Variants in SCN9A observed in about 807,000 individuals in gnomAD.
The protein encoded by SCN9A is sodium channel protein type 9 subunit alpha.
Under a neutral mutation model 187.0 loss-of-function variants are expected in SCN9A, and 131 were observed. The ratio of observed to expected loss-of-function variants is 0.70; its 90% CI spans 0.61 to 0.81. The LOEUF (loss-of-function observed/expected upper bound fraction) is 0.81, where lower values mean the gene tolerates loss of function less well. SCN9A is among the 30% of genes least tolerant of loss of function. The probability of loss-of-function intolerance (pLI) is 0.00; values close to 1 mark genes in which losing one functional copy is unlikely to be tolerated. For missense variants in SCN9A, 2,252 were observed against 2,396.6 expected, an observed-to-expected ratio of 0.94 and a Z score of 1.26; for synonymous variants, 809 against 808.6, an observed-to-expected ratio of 1.00 and a Z score of -0.01.
At chr2:166,218,768 C>G (rs930405704) in intron 24 of SCN9A, among the ~76,000 whole-genome samples, 1 of 152,104 alleles carries the variant, frequency 6.6e-6, no homozygotes, top group Admixed American at 6.5e-5. Flanking sequence ...AAACTATCAA[C>G]AGAGTAAGCA....
intron 17 of SCN9A, among the ~76,000 whole-genome samples, chr2:166,258,921 G>A (rs1696391014): frequency 6.6e-6 from 1 of 151,614 alleles, no homozygotes; most frequent in African/African-American, 2.4e-5. Context: ...TAGCTTCAAT[G>A]GCTACTGTTA....
chr2:166,359,375 T>C (rs1475711364), intron 1 of SCN9A, among the ~76,000 whole-genome samples: 1 of 152,148 alleles, frequency 6.6e-6, no homozygotes, highest in Admixed American at 6.5e-5. Context: ...AAACAAAGTA[T>C]GCCAAGTATA....
intron 1 of SCN9A, among the ~76,000 whole-genome samples, chr2:166,312,674 T>A (rs1698997839): frequency 6.6e-6 from 1 of 152,180 alleles, no homozygotes; most frequent in Non-Finnish European, 1.5e-5. Context: ...ACTTAAAAGT[T>A]GAAATTACTC....
chr2:166,198,913 A>G lies in SCN9A; in HGVS notation c.5726T>C (p.Val1909Ala). Residue 1909 changes from valine (V) to alanine (A), a missense_variant, in exon 27 of 27, where the codon GTC becomes GCC. This residue lies in a region of SCN9A where 345 missense variants were observed against 344.6 expected (regional missense o/e 1.00). Coordinates refer to ENST00000642356, the MANE Select transcript of SCN9A (RefSeq NM_001365536.1). ...TATGTATATACTTGATATATTTTTGACATTTTGCCTTAAGCGGTAACGTCT... is the reference window on the plus strand; with the variant it reads ...TATGTATATACTTGATATATTTTTGGCATTTTGCCTTAAGCGGTAACGTCT... The part of the protein sequence containing the change: ...AYRRYRLRQN[V>A]KNISSIYIKD... The G allele has an allele frequency of 1.2e-6, 2 of 1,613,810 alleles. 1 individual carries two copies. Among genetic ancestry groups the G allele is most frequent in the Non-Finnish European group, 1.7e-6 (2 of 1,179,780 alleles).
intron 13 of SCN9A, among the ~76,000 whole-genome samples, 176 bp downstream of exon 13, chr2:166,281,503 T>G (rs1574859074): frequency 6.6e-6 from 1 of 152,290 alleles, no homozygotes; most frequent in Non-Finnish European, 1.5e-5. Context: ...ATTTTATCCA[T>G]TTTTAAGCAC....
intron 2 of SCN9A, among the ~76,000 whole-genome samples, chr2:166,308,925 C>CAAAAAAAAA (rs397986566): frequency 2.6e-5 from 2 of 78,150 alleles, no homozygotes; most frequent in Non-Finnish European, 4.9e-5. Flanking sequence ...GACTCTGTCT[C>CAAAAAAAAA]AAAAAAAAAA....
chr2:166,306,647 T>C, intron 3 of SCN9A, 48 bp from the exon 4 acceptor site: 1 of 1,267,412 alleles, frequency 7.9e-7, no homozygotes, highest in Non-Finnish European at 1.1e-6. Flanking sequence ...GAATTTGAAA[T>C]ATTTGAGGAT....
chr2:166,286,541 G>C lies in SCN9A; in HGVS notation c.1397C>G (p.Ser466Cys), dbSNP rs1378631648. Reference sequence around the variant, plus strand: ...TTTAGCACTTTTAGAGCTCAGTTTGGATGTTTCAGAAGAACTCTCTGAGAG... The same window carrying C: ...TTTAGCACTTTTAGAGCTCAGTTTGCATGTTTCAGAAGAACTCTCTGAGAG... ...MGLSESSSET[S>C]KLSSKSAKER... The change falls in exon 11 of 27, where the codon TCC becomes TGC. Residue 466 changes from serine to cysteine, a missense_variant. Ser to Cys is a moderately radical substitution (Grantham distance 112). Transcript: ENST00000642356. 1 of 1,610,118 alleles carries C rather than the reference G, an allele frequency of 6.2e-7. No homozygotes were observed. Among genetic ancestry groups the C allele is most frequent in the Non-Finnish European group, 8.5e-7 (1 of 1,178,728 alleles).
intron 1 of SCN9A, among the ~76,000 whole-genome samples, chr2:166,326,713 A>T (rs1699372508): frequency 6.6e-6 from 1 of 152,206 alleles, no homozygotes; most frequent in Non-Finnish European, 1.5e-5. Context: ...TTATGAGAGC[A>T]TATTAGACTA....
chr2:166,318,000 A>G (rs1332070634), intron 1 of SCN9A, among the ~76,000 whole-genome samples: 7 of 152,192 alleles, frequency 4.6e-5, no homozygotes, highest in Non-Finnish European at 1.0e-4. Context: ...TATGTGATGT[A>G]GATCAGAAAA....
intron 26 of SCN9A, among the ~76,000 whole-genome samples, chr2:166,200,785 G>C (rs78559117): frequency 4.6e-5 from 7 of 152,036 alleles, no homozygotes; most frequent in Non-Finnish European, 7.4e-5. Flanking sequence ...ACAGGCATGC[G>C]CCACCACACC....
At position 166,266,303 on chromosome 2, in the gene SCN9A, C is replaced by A. The variant is rs541228787; in HGVS notation, c.3351+6096G>T. Among the ~76,000 whole-genome samples the A allele has an allele frequency of 2.0e-5, 3 of 152,052 alleles. No homozygotes were observed. In the South Asian group the frequency reaches 6.2e-4, roughly 32 times the overall value. ...ATGTGGCTATTCAGTTTGCCCAGAA[C>A]CATTTACTAAAGAGGCTGTCCTTTC... is the stretch of plus-strand genomic sequence containing the variant. On this transcript the variant is annotated intron_variant, in intron 17 of 26. Coordinates refer to ENST00000642356, the MANE Select transcript of SCN9A (RefSeq NM_001365536.1).
At chr2:166,215,501 A>T (rs1220648793) in intron 24 of SCN9A, among the ~76,000 whole-genome samples, 1 of 152,076 alleles carries the variant, frequency 6.6e-6, no homozygotes, top group Non-Finnish European at 1.5e-5. Flanking sequence ...TGAAAAGATA[A>T]AATCGAAAAA....
At chr2:166,352,058 A>G (rs1700045269) in intron 1 of SCN9A, among the ~76,000 whole-genome samples, 1 of 152,192 alleles carries the variant, frequency 6.6e-6, no homozygotes, top group Admixed American at 6.5e-5. Context: ...GTACAATGTT[A>G]AAATAGTACT....
Position 166,259,835 on chromosome 2 carries a change from C to T in SCN9A, c.3352-7950G>A, listed in dbSNP as rs561489547. The stretch of plus-strand genomic sequence containing the variant: ...ACAAATATTTCATTGTTTTTAGGCA[C>T]GTAAACAAATCCAATGAAGATGGAA... On this transcript the variant is annotated intron_variant, in intron 17 of 26. Coordinates refer to ENST00000642356, the MANE Select transcript of SCN9A (RefSeq NM_001365536.1). 8.6e-5 allele frequency among the ~76,000 whole-genome samples: 13 copies of T among 151,300 alleles called. No homozygotes were observed. The South Asian group carries it at 2.1e-3, about 24-fold the overall frequency.
rs892576229 is a variant in SCN9A, at chr2:166,222,164, G to A, written c.4398+4403C>T. The stretch of plus-strand genomic sequence containing the variant: ...TGGGAAAAAAAGGAAGCATTCAAGA[G>A]GGTGAAAAAGCAACCTATAGAATGG... On this transcript the variant is annotated intron_variant, in intron 24 of 26. Transcript: ENST00000642356. Among the ~76,000 whole-genome samples, 11 of 152,246 alleles carry A rather than the reference G, an allele frequency of 7.2e-5. No homozygotes were observed. In the South Asian group the frequency reaches 1.2e-3, roughly 17 times the overall value.
chr2:166,229,458 T>C (rs942104399), intron 21 of SCN9A, among the ~76,000 whole-genome samples: 2 of 152,090 alleles, frequency 1.3e-5, no homozygotes, highest in Admixed American at 6.5e-5. Context: ...AGAGAAACTA[T>C]TGGTGTATAT....
chr2:166,235,347 C>T (rs866121847), intron 20 of SCN9A, among the ~76,000 whole-genome samples: 7 of 152,122 alleles, frequency 4.6e-5, no homozygotes, highest in South Asian at 2.1e-4. Context: ...TAAACACACA[C>T]GTATATATAC....
chr2:166,204,357 T>A lies in SCN9A; in HGVS notation c.4503+3A>T. On this transcript the variant is annotated splice_donor_region_variant and intron_variant, in intron 25 of 26. Coordinates refer to ENST00000642356, the MANE Select transcript of SCN9A (RefSeq NM_001365536.1). ...TATGCTAAAGATATATATATTTTTT[T>A]ACCCCTGGTCGAGGAATTGGCTTTT... 6.2e-7 allele frequency: 1 copy of A among 1,600,160 alleles called. No individual in the cohort carries two copies. The highest frequency in any genetic ancestry group is 2.2e-5 in the East Asian group (1 of 44,668).
Sources: allele counts gnomAD v4.1 joint callset (sites outside exome capture counted in the v4.1 genomes callset), GRCh38; gene constraint gnomAD v4.1.1; regional missense constraint gnomAD v4.1.1; transcripts MANE v1.5; gene names NCBI Gene and HGNC (gene_info 2026-07-23, HGNC 2026-07-21).